NAA11: variants seen among roughly 807,000 people sequenced by gnomAD.
The protein encoded by NAA11 is N-alpha-acetyltransferase 11.
A neutral mutation model predicts 16.1 loss-of-function variants in NAA11; 15 were observed. That is an observed-to-expected ratio of 0.93 (90% CI 0.62 to 1.44). NAA11 has a LOEUF of 1.44. NAA11 is among the 40% of genes most tolerant of loss of function. The pLI, the probability that NAA11 is intolerant of heterozygous loss-of-function variation, is 0.00. For synonymous variants in NAA11, 122 were observed against 112.4 expected (o/e 1.09, Z -0.54); for missense variants, 298 against 291.3 (o/e 1.02, Z -0.17).
At chr4:79,238,685 T>C (rs17003682) in intron 2 of NAA11, among the ~76,000 whole-genome samples, 3,844 of 152,174 alleles carry the variant, frequency 0.025, 160 homozygotes, top group African/African-American at 0.089. Context: ...AAATAAAAAA[T>C]CATTTCTCAA....
At chr4:79,297,151 C>A (rs1040347544) in intron 1 of NAA11, among the ~76,000 whole-genome samples, 1 of 152,140 alleles carries the variant, frequency 6.6e-6, no homozygotes, top group Non-Finnish European at 1.5e-5. Context: ...CGCCTGCCAC[C>A]GTTGTGGGGA....
At chr4:79,260,362 CT>C (rs1234778708) in intron 2 of NAA11, among the ~76,000 whole-genome samples, 1 of 152,216 alleles carries the variant, frequency 6.6e-6, no homozygotes, top group Admixed American at 6.5e-5. Context: ...AAAAACTATG[CT>C]GCCACCACAG....
the NAA11 span, among the ~76,000 whole-genome samples, chr4:79,158,965 A>G: frequency 6.6e-6 from 1 of 152,108 alleles, no homozygotes; most frequent in Admixed American, 6.6e-5. Context: ...TAAATATAAG[A>G]CCTGAAACCA....
downstream of NAA11, among the ~76,000 whole-genome samples, chr4:79,221,324 G>A (rs1414643939): frequency 6.6e-6 from 1 of 150,378 alleles, no homozygotes; most frequent in East Asian, 1.9e-4. Context: ...CTGCAAACAG[G>A]GACAATTTGA....
At chr4:79,275,434 C>T (rs905207839) in intron 2 of NAA11, among the ~76,000 whole-genome samples, 1 of 151,856 alleles carries the variant, frequency 6.6e-6, no homozygotes, top group Non-Finnish European at 1.5e-5. Context: ...ATTTTTTCGC[C>T]CTACTAGTTT....
intron 2 of NAA11, among the ~76,000 whole-genome samples, chr4:79,265,773 T>C (rs1578169759): frequency 1.3e-5 from 2 of 151,934 alleles, no homozygotes; most frequent in East Asian, 3.9e-4. Context: ...TTTTTTTTTG[T>C]TTTTTGGTGG....
At chr4:79,253,476 T>A (rs1722038322) in intron 2 of NAA11, among the ~76,000 whole-genome samples, 1 of 151,824 alleles carries the variant, frequency 6.6e-6, no homozygotes, top group African/African-American at 2.4e-5. Flanking sequence ...ATCCAACCAC[T>A]AAAAAGACAG....
the NAA11 span, among the ~76,000 whole-genome samples, chr4:79,217,273 A>G: frequency 2.6e-5 from 4 of 152,166 alleles, no homozygotes; most frequent in Non-Finnish European, 5.9e-5. Context: ...CTGGCCTCCT[A>G]GGCTCATTTG....
chr4:79,176,725 G>C, the NAA11 span, among the ~76,000 whole-genome samples: 1 of 152,094 alleles, frequency 6.6e-6, no homozygotes, highest in Non-Finnish European at 1.5e-5. Flanking sequence ...CTATCATAGT[G>C]CACATATACT....
intron 2 of NAA11, among the ~76,000 whole-genome samples, chr4:79,269,011 T>C (rs1722418139): frequency 2.5e-5 from 3 of 119,076 alleles, no homozygotes; most frequent in East Asian, 4.2e-4. Flanking sequence ...TTCATCCATG[T>C]CCCTACAAAG....
chr4:79,246,885 T>C (rs990832386), intron 2 of NAA11, among the ~76,000 whole-genome samples: 3 of 152,232 alleles, frequency 2.0e-5, no homozygotes, highest in Non-Finnish European at 4.4e-5. Context: ...AATCACCCTC[T>C]CTCAAGGGAA....
the NAA11 span, among the ~76,000 whole-genome samples, chr4:79,186,149 T>C: frequency 6.6e-6 from 1 of 152,152 alleles, no homozygotes; most frequent in South Asian, 2.1e-4. Flanking sequence ...GTGCTGAAAA[T>C]GCTACAAGCC....
At chr4:79,210,070 G>A in the NAA11 span, among the ~76,000 whole-genome samples, 1 of 152,126 alleles carries the variant, frequency 6.6e-6, no homozygotes, top group African/African-American at 2.4e-5. Context: ...GGTTAAATTT[G>A]TTATGCATGT....
intron 2 of NAA11, among the ~76,000 whole-genome samples, chr4:79,249,679 A>C (rs1049508413): frequency 1.3e-5 from 2 of 152,262 alleles, no homozygotes; most frequent in African/African-American, 4.8e-5. Flanking sequence ...AACAACTTGG[A>C]AAACATATTT....
chr4:79,245,868 T>G (rs879159901), intron 2 of NAA11, among the ~76,000 whole-genome samples: 1 of 152,134 alleles, frequency 6.6e-6, no homozygotes, highest in Admixed American at 6.5e-5. Context: ...CGGCCACCCC[T>G]TCTGGGAGGT....
chr4:79,252,324 CT>C (rs1332910408), intron 2 of NAA11, among the ~76,000 whole-genome samples: 1 of 152,120 alleles, frequency 6.6e-6, no homozygotes, highest in Non-Finnish European at 1.5e-5. Context: ...ATTTGTACCC[CT>C]AAATCTATTT....
At chr4:79,228,475 T>C (rs1385163528) in intron 2 of NAA11, among the ~76,000 whole-genome samples, 2 of 152,034 alleles carry the variant, frequency 1.3e-5, no homozygotes, top group Non-Finnish European at 2.9e-5. Flanking sequence ...ACAATTTCTT[T>C]ATGTTCTTTA....
the NAA11 span, among the ~76,000 whole-genome samples, chr4:79,181,703 C>T: frequency 2.0e-5 from 3 of 152,144 alleles, no homozygotes; most frequent in African/African-American, 4.8e-5. Context: ...CTTCAGTGTC[C>T]TCTTGCTTTG....
At chr4:79,273,677 A>G (rs1241234107) in intron 2 of NAA11, among the ~76,000 whole-genome samples, 1 of 152,068 alleles carries the variant, frequency 6.6e-6, no homozygotes, top group Non-Finnish European at 1.5e-5. Context: ...ATCCAAGCAT[A>G]TGACCAGGTC....
Sources: allele counts gnomAD v4.1 joint callset (sites outside exome capture counted in the v4.1 genomes callset), GRCh38; gene constraint gnomAD v4.1.1; transcripts MANE v1.5; gene names NCBI Gene and HGNC (gene_info 2026-07-23, HGNC 2026-07-21).